Variants in AKAP13 observed in about 807,000 individuals in gnomAD.
AKAP13 encodes the protein A-kinase anchoring protein 13.
A neutral mutation model predicts 264.5 loss-of-function variants in AKAP13; 80 were observed. That is an observed-to-expected ratio of 0.30 (90% CI 0.25 to 0.36). The LOEUF is 0.36. AKAP13 is among the 10% of genes least tolerant of loss of function. The probability of loss-of-function intolerance (pLI) is 1.00; values close to 1 mark genes in which losing one functional copy is unlikely to be tolerated. For missense variants in AKAP13, 3,712 were observed against 3,435.2 expected (o/e 1.08, Z -2.01); for synonymous variants, 1,380 against 1,250.2 (o/e 1.10, Z -2.19).
At chr15:85,442,403 C>T (rs1403978812) in intron 1 of AKAP13, among the ~76,000 whole-genome samples, 1 of 74,106 alleles carries the variant, frequency 1.3e-5, no homozygotes. Context: ...GAGCAAGATT[C>T]TGTCTCAAAA....
At chr15:85,710,918 C>G (rs1170707740) in intron 19 of AKAP13, among the ~76,000 whole-genome samples, 1 of 152,166 alleles carries the variant, frequency 6.6e-6, no homozygotes, top group Non-Finnish European at 1.5e-5. Context: ...CCCTGCGCAT[C>G]TCAACTTCCT....
intron 1 of AKAP13, among the ~76,000 whole-genome samples, chr15:85,386,919 A>G (rs1046733337): frequency 3.9e-5 from 6 of 151,952 alleles, no homozygotes; most frequent in Non-Finnish European, 4.4e-5. Context: ...GAGTTATCTT[A>G]TTATTTTTCA....
intron 7 of AKAP13, chr15:85,583,038 G>T (rs776140605): frequency 2.0e-6 from 2 of 985,474 alleles, no homozygotes; most frequent in Non-Finnish European, 2.4e-6. Context: ...AAGCTGAAAC[G>T]GGAGTCGGAC....
rs1265507400 is a variant in AKAP13, at chr15:85,745,251, G to A, written c.*574G>A. On this transcript the variant is annotated 3_prime_UTR_variant, in exon 37 of 37. Coordinates refer to ENST00000394518, the MANE Select transcript of AKAP13 (RefSeq NM_007200.5). ...TTCACCCAGTACTCCTCAGAGACTG[G>A]TTTCCCTCTAAACCCATCCCGGGCA... 2.0e-5 allele frequency: 3 copies of A among 152,312 alleles called. No individual in the cohort carries two copies. Among genetic ancestry groups the A allele is most frequent in the Non-Finnish European group, 1.5e-5 (1 of 68,168 alleles). 9.4% of individuals were successfully genotyped at this position (152,312 alleles called of 1,614,324 possible).
At chr15:85,402,215 AAG>A (rs1426201524) in intron 1 of AKAP13, among the ~76,000 whole-genome samples, 11 of 152,204 alleles carry the variant, frequency 7.2e-5, no homozygotes, top group African/African-American at 2.7e-4. Context: ...GGGCATGAAA[AAG>A]AGAGCAAGTG....
chr15:85,654,237 C>T (rs559230116), intron 10 of AKAP13, among the ~76,000 whole-genome samples: 1 of 152,198 alleles, frequency 6.6e-6, no homozygotes, highest in African/African-American at 2.4e-5. Flanking sequence ...ATATTTGTAA[C>T]AGGTACTTAT....
chr15:85,493,688 C>G (rs973928261), intron 2 of AKAP13, among the ~76,000 whole-genome samples: 2 of 152,122 alleles, frequency 1.3e-5, no homozygotes, highest in African/African-American at 2.4e-5. Flanking sequence ...TTGTTTATAG[C>G]AAGCCATGTG....
intron 16 of AKAP13, among the ~76,000 whole-genome samples, chr15:85,688,332 AG>A (rs2085065507): frequency 6.6e-6 from 1 of 152,182 alleles, no homozygotes; most frequent in South Asian, 2.1e-4. Flanking sequence ...ATAAATTTTC[AG>A]TTTTTAAAAA....
At chr15:85,704,668 C>T (rs1489133416) in intron 17 of AKAP13, among the ~76,000 whole-genome samples, 1 of 152,148 alleles carries the variant, frequency 6.6e-6, no homozygotes. Flanking sequence ...AAAATGAAAG[C>T]ATATTGCCTA....
intron 1 of AKAP13, among the ~76,000 whole-genome samples, chr15:85,442,531 TAA>T (rs2073741177): frequency 7.7e-6 from 1 of 129,236 alleles, no homozygotes; most frequent in African/African-American, 3.0e-5. Flanking sequence ...ATATTATATA[TAA>T]TATATATTAT....
intron 5 of AKAP13, among the ~76,000 whole-genome samples, chr15:85,563,160 A>G (rs2078466508): frequency 1.3e-5 from 2 of 152,216 alleles, no homozygotes; most frequent in East Asian, 1.9e-4. Context: ...CCTCTAGGGA[A>G]GTCTCAGTTG....
intron 4 of AKAP13, among the ~76,000 whole-genome samples, chr15:85,543,156 A>C (rs2077625628): frequency 6.6e-6 from 1 of 152,174 alleles, no homozygotes; most frequent in South Asian, 2.1e-4. Flanking sequence ...TTGTGCCAGG[A>C]GATGCATTTC....
At chr15:85,456,294 A>T (rs1385711075) in intron 1 of AKAP13, among the ~76,000 whole-genome samples, 3 of 152,072 alleles carry the variant, frequency 2.0e-5, no homozygotes, top group Non-Finnish European at 4.4e-5. Context: ...AGTTAAACAG[A>T]CCTTTCTGCT....
chr15:85,685,730 A>G (rs1039208065), intron 16 of AKAP13, among the ~76,000 whole-genome samples: 3 of 151,470 alleles, frequency 2.0e-5, no homozygotes, highest in Non-Finnish European at 2.9e-5. Flanking sequence ...TACCTCAAAC[A>G]CTCTTCTCGC....
rs769930926 is a variant in AKAP13, at chr15:85,735,578, G to T, written c.7460G>T (p.Gly2487Val). Residue 2487 changes from glycine (G) to valine (V), a missense_variant, in exon 32 of 37, where the codon GGA becomes GTA. Physicochemically the swap from Gly to Val is moderately radical, Grantham distance 109. Coordinates refer to ENST00000394518, the MANE Select transcript of AKAP13 (RefSeq NM_007200.5). ...TGTTTAGGAGGCGAGAAGGAAGAGG[G>T]AGATGATGGCCAAGATCTTAGGAGA... is the stretch of plus-strand genomic sequence containing the variant. ...NASKGGEKEE[G>V]DDGQDLRRTE... 6 of 1,612,088 alleles carry T rather than the reference G, an allele frequency of 3.7e-6. No homozygotes were observed. In the South Asian group the frequency reaches 6.6e-5, roughly 18 times the overall value.
In AKAP13 at chr15:85,489,560, TAAGC is replaced by T. The variant is rs376668043; in HGVS notation, c.33+3811_33+3814del. The stretch of plus-strand genomic sequence containing the variant: ...AGTTCTCTGCACCTGGACAAAGAAA[TAAGC>T]AAGAGAACAAAGACTGTGAAGATTT... On this transcript the variant is annotated intron_variant, in intron 2 of 36. Transcript: ENST00000394518. Among the ~76,000 whole-genome samples the T allele has an allele frequency of 6.3e-3, 955 of 152,206 alleles. 6 individuals carry two copies. Among genetic ancestry groups the T allele is most frequent in the Middle Eastern group, 0.02 (6 of 294 alleles).
In AKAP13 at chr15:85,645,898, G is replaced by A; in HGVS notation, c.4318G>A (p.Asp1440Asn). 1 of 1,613,652 alleles carries A rather than the reference G, an allele frequency of 6.2e-7. No individual in the cohort carries two copies. The highest frequency in any genetic ancestry group is 8.5e-7 in the Non-Finnish European group (1 of 1,179,942). ...QGVLKRESGS[D>N]SDLFHSPSDD... ...TGTACTTAAAAGAGAATCTGGGAGT[G>A]ATTCTGACCTCTTTCACTCACCCAG... Residue 1440 changes from aspartate (D) to asparagine (N), a missense_variant, in exon 10 of 37, where the codon GAT becomes AAT. This residue lies in a region of AKAP13 where 2,759 missense variants were observed against 2,411.7 expected (regional missense o/e 1.14). Transcript: ENST00000394518.
Position 85,718,817 on chromosome 15 carries a change from T to C in AKAP13, c.6002-259T>C, listed in dbSNP as rs1044599796. On this transcript the variant is annotated intron_variant, in intron 22 of 36. Coordinates refer to ENST00000394518, the MANE Select transcript of AKAP13 (RefSeq NM_007200.5). The surrounding 1 kb of genome is among the most constrained non-coding windows in gnomAD (Gnocchi z 4.9). ...CGAGAGGCTAAAGCAGAAAGATCGC[T>C]TGAGCCCAGGAGGTTGAGGCTGCAA... The C allele has an allele frequency of 2.4e-5, 10 of 424,578 alleles. No homozygotes were observed. Among genetic ancestry groups the C allele is most frequent in the African/African-American group, 1.6e-4 (8 of 49,408 alleles). The allele number at this position is 424,578 out of a possible 1,614,324, so 26.3% of individuals were successfully genotyped here.
chr15:85,658,628 C>A (rs143724764), intron 12 of AKAP13, 38 bp downstream of exon 12: 1 of 1,565,790 alleles, frequency 6.4e-7, no homozygotes, highest in Non-Finnish European at 8.8e-7. Context: ...AACCATGTCA[C>A]CTCTGAGCAT....
Sources: allele counts gnomAD v4.1 joint callset (sites outside exome capture counted in the v4.1 genomes callset), GRCh38; gene constraint gnomAD v4.1.1; regional missense constraint gnomAD v4.1.1; non-coding constraint Gnocchi (gnomAD v3.1); transcripts MANE v1.5; gene names NCBI Gene and HGNC (gene_info 2026-07-23, HGNC 2026-07-21).